The following ELP1 variants were observed in gnomAD, a reference collection of about 807,000 sequenced individuals.
ELP1 encodes the protein elongator acetyltransferase complex subunit 1, also known as elongator complex protein 1.
ELP1 carries 131 observed loss-of-function variants against 183.2 expected under a neutral mutation model. The ratio of observed to expected loss-of-function variants is 0.72; its 90% CI spans 0.62 to 0.83. The LOEUF (loss-of-function observed/expected upper bound fraction) is 0.83, where lower values mean the gene tolerates loss of function less well. Ranked by LOEUF, ELP1 falls within the 40% of genes least tolerant of loss-of-function variation. The pLI, the probability that ELP1 is intolerant of heterozygous loss-of-function variation, is 0.00. For synonymous variants in ELP1, 555 were observed against 569.0 expected (o/e 0.98, Z 0.35); for missense variants, 1,550 against 1,594.9 (o/e 0.97, Z 0.48).
At chr9:108,894,228 T>A (rs146040233) in intron 25 of ELP1, among the ~76,000 whole-genome samples, 162 bp from the exon 26 acceptor site, 398 of 152,270 alleles carry the variant, frequency 2.6e-3, no homozygotes, top group Non-Finnish European at 4.6e-3. Flanking sequence ...ACTACAGTTG[T>A]CCCCCAGTAT....
chr9:108,875,192 G>A (rs903291229), intron 35 of ELP1, among the ~76,000 whole-genome samples: 1 of 152,198 alleles, frequency 6.6e-6, no homozygotes, highest in African/African-American at 2.4e-5. Context: ...GTAAAGATGG[G>A]GGGTGGAGGA....
At chr9:108,873,315 G>T (rs1398580491) in intron 36 of ELP1, among the ~76,000 whole-genome samples, 6 of 152,210 alleles carry the variant, frequency 3.9e-5, no homozygotes, top group African/African-American at 1.4e-4. Context: ...CACTTGTGGG[G>T]ATGTGCCAAT....
intron 1 of ELP1, among the ~76,000 whole-genome samples, chr9:108,933,223 C>T (rs1383278692): frequency 1.3e-5 from 2 of 152,228 alleles, no homozygotes; most frequent in Non-Finnish European, 2.9e-5. Context: ...ACCATTTCTA[C>T]TCTATGTCCC....
At chr9:108,885,868 T>A (rs1018343893) in intron 29 of ELP1, among the ~76,000 whole-genome samples, 2 of 152,016 alleles carry the variant, frequency 1.3e-5, no homozygotes, top group African/African-American at 4.8e-5. Context: ...CTTGGGGGTA[T>A]GGGTGCAAAG....
chr9:108,924,557 C>CT (rs1829767735), intron 5 of ELP1, among the ~76,000 whole-genome samples: 1 of 152,154 alleles, frequency 6.6e-6, no homozygotes, highest in Non-Finnish European at 1.5e-5. Context: ...TACTCTCTCT[C>CT]TGACTGTCCT....
rs762129560 is a variant in ELP1 at position 108,874,988 on chromosome 9, T to C, written c.3856-18A>G. ...CCTAGAACCTGAGGAGAAAATAGAC[T>C]GTATCAGCAAAGATTATCTAATACT... On this transcript the variant is annotated intron_variant, in intron 35 of 36. Transcript: ENST00000374647. 6 of 1,545,772 alleles carry C rather than the reference T, an allele frequency of 3.9e-6. No homozygotes were observed. The Admixed American group carries it at 5.0e-5, about 13-fold the overall frequency.
At chr9:108,893,388 A>G (rs931404380) in intron 26 of ELP1, among the ~76,000 whole-genome samples, 2 of 152,202 alleles carry the variant, frequency 1.3e-5, no homozygotes, top group African/African-American at 4.8e-5. Context: ...TGCACGCCTC[A>G]GTCCTATCCC....
intron 13 of ELP1, among the ~76,000 whole-genome samples, chr9:108,906,873 T>C (rs1291255033): frequency 6.6e-6 from 1 of 152,188 alleles, no homozygotes; most frequent in Non-Finnish European, 1.5e-5. Flanking sequence ...GGTCCTTTCC[T>C]AAGCACCTCA....
rs1453585233 is a variant in ELP1, at chr9:108,917,645, T to C, written c.766A>G (p.Thr256Ala). The C allele has an allele frequency of 6.2e-7, 1 of 1,613,844 alleles. No individual in the cohort carries two copies. The highest frequency in any genetic ancestry group is 1.3e-5 in the African/African-American group (1 of 74,846). ...TCCTGCTGGTTGGGTTTATCTTGTG[T>C]AGATGCAATCAAACTGCCTGAGGGT... The part of the protein sequence containing the change: ...WKPSGSLIAS[T>A]QDKPNQQDIV... Residue 256 changes from threonine (T) to alanine (A), a missense_variant, in exon 9 of 37, where the codon ACA (threonine) becomes GCA (alanine). Thr to Ala is a moderately conservative substitution (Grantham distance 58, BLOSUM62 0). Transcript: ENST00000374647.
chr9:108,912,628 C>G, intron 10 of ELP1, 134 bp from the exon 11 acceptor site: 1 of 680,530 alleles, frequency 1.5e-6, no homozygotes, highest in Admixed American at 2.2e-5. Context: ...AAAATAAGAA[C>G]AATAATAACT....
At chr9:108,927,821 G>C (rs1200207537) in intron 3 of ELP1, among the ~76,000 whole-genome samples, 1 of 152,228 alleles carries the variant, frequency 6.6e-6, no homozygotes, top group African/African-American at 2.4e-5. Flanking sequence ...ACTTATTTGT[G>C]CGATCTAAAA....
Position 108,901,620 on chromosome 9 carries a change from C to T in ELP1, c.1908+8G>A. The T allele has an allele frequency of 6.2e-7, 1 of 1,614,066 alleles. No homozygotes were observed. On this transcript the variant is annotated splice_region_variant and intron_variant, in intron 17 of 36. Transcript: ENST00000374647. ...AAAAGGATCCAACACCAAACCAAGC[C>T]TTGATACCTCAATGTCATTGATGAA...
chr9:108,899,409 G>T (rs547296682), intron 20 of ELP1, among the ~76,000 whole-genome samples: 2 of 152,222 alleles, frequency 1.3e-5, no homozygotes, highest in South Asian at 4.2e-4. Flanking sequence ...CAGAAAATCA[G>T]TCATTTCCTT....
At chr9:108,930,333 A>C (rs1283506565) in intron 2 of ELP1, among the ~76,000 whole-genome samples, 1 of 152,234 alleles carries the variant, frequency 6.6e-6, no homozygotes, top group Non-Finnish European at 1.5e-5. Context: ...AAGTACATAT[A>C]GTTAGGAGCC....
At chr9:108,914,413 A>AAGG (rs1491236727) in intron 10 of ELP1, among the ~76,000 whole-genome samples, 3 of 89,130 alleles carry the variant, frequency 3.4e-5, no homozygotes, top group East Asian at 3.8e-4. Flanking sequence ...AAAAAAAAAA[A>AAGG]GGGGGGGGGG....
intron 9 of ELP1, among the ~76,000 whole-genome samples, 158 bp from the exon 10 acceptor site, chr9:108,916,455 T>C (rs1829437584): frequency 6.6e-6 from 1 of 152,194 alleles, no homozygotes; most frequent in African/African-American, 2.4e-5. Context: ...AACAAATCTG[T>C]AAAATATGTC....
In ELP1 at chr9:108,916,206, C is replaced by A; in HGVS notation, c.956G>T (p.Cys319Phe). ...CTGGGGTACTACAGCTGTCTTACCA[C>A]AGGTTTTCGGAATGGAGCTTTCTTC... is the stretch of plus-strand genomic sequence containing the variant. Reference protein sequence around the residue: ...QREESSIPKTCVQLWTVGNYH... With the variant: ...QREESSIPKTFVQLWTVGNYH... The change falls in exon 10 of 37, where the codon TGT (cysteine) becomes TTT (phenylalanine). Residue 319 changes from cysteine (C) to phenylalanine (F), a missense_variant and splice_region_variant. Cys to Phe is a radical substitution (Grantham distance 205). Transcript: ENST00000374647. 1 of 1,613,172 alleles carries A rather than the reference C, an allele frequency of 6.2e-7. No individual in the cohort carries two copies. Among genetic ancestry groups the A allele is most frequent in the Non-Finnish European group, 8.5e-7 (1 of 1,179,118 alleles).
chr9:108,879,257 G>C (rs139021788), intron 33 of ELP1, among the ~76,000 whole-genome samples, 189 bp downstream of exon 33: 1 of 152,234 alleles, frequency 6.6e-6, no homozygotes, highest in Non-Finnish European at 1.5e-5. Context: ...GGCTGAGGAA[G>C]AAAACCTTCC....
intron 2 of ELP1, among the ~76,000 whole-genome samples, chr9:108,930,359 G>A (rs1829959597): frequency 6.6e-6 from 1 of 152,144 alleles, no homozygotes; most frequent in Non-Finnish European, 1.5e-5. Flanking sequence ...TAAAGATTCT[G>A]ATTTAGTTGA....
Sources: gnomAD v4.1 joint callset for allele counts (sites outside exome capture counted in the v4.1 genomes callset) on GRCh38, gnomAD v4.1.1 for gene constraint, MANE v1.5 for transcripts, NCBI Gene and HGNC (gene_info 2026-07-23, HGNC 2026-07-21) for gene names.